The following CFAP69 variants were observed in gnomAD, a reference collection of about 807,000 sequenced individuals.
CFAP69 encodes the protein cilia- and flagella-associated protein 69.
In CFAP69, 92 loss-of-function variants were observed where a neutral mutation model predicts 123.0. That is an observed-to-expected ratio of 0.75 (90% CI 0.63 to 0.89). The LOEUF (loss-of-function observed/expected upper bound fraction) is 0.89. Among genes scored for constraint, CFAP69 ranks in the 40% least tolerant of loss-of-function variants. The pLI, the probability that CFAP69 is intolerant of heterozygous loss-of-function variation, is 0.00. For synonymous variants in CFAP69, 380 were observed against 364.3 expected (o/e 1.04, Z -0.49); for missense variants, 1,067 against 1,096.9 (o/e 0.97, Z 0.39).
chr7:90,250,354 T>A (rs977876185), intron 1 of CFAP69, among the ~76,000 whole-genome samples: 5 of 152,134 alleles, frequency 3.3e-5, no homozygotes, highest in Non-Finnish European at 7.4e-5. Context: ...TTTAACAAGT[T>A]AGGTCCCAGG....
chr7:90,304,635 TTAGATAGG>T, intron 18 of CFAP69, 101 bp from the exon 19 acceptor site: 1 of 1,445,726 alleles, frequency 6.9e-7, no homozygotes, highest in Non-Finnish European at 9.0e-7. Context: ...GCATTTGTTT[TTAGATAGG>T]TAGATAGATA....
chr7:90,279,040 T>C (rs1349239644), intron 11 of CFAP69, among the ~76,000 whole-genome samples: 1 of 152,182 alleles, frequency 6.6e-6, no homozygotes, highest in African/African-American at 2.4e-5. Context: ...AATTCTGTTG[T>C]CATAATAGCT....
intron 12 of CFAP69, among the ~76,000 whole-genome samples, chr7:90,280,223 G>A (rs190411351): frequency 1.3e-5 from 2 of 151,934 alleles, no homozygotes; most frequent in Non-Finnish European, 2.9e-5. Context: ...GTTGAGACAG[G>A]GTCTCACCCT....
chr7:90,314,868 C>CG (rs989903501), downstream of CFAP69, among the ~76,000 whole-genome samples: 1 of 151,590 alleles, frequency 6.6e-6, no homozygotes, highest in Admixed American at 6.6e-5. Flanking sequence ...TATCGCTCCC[C>CG]CCCCTGCTTT....
intron 12 of CFAP69, among the ~76,000 whole-genome samples, chr7:90,280,331 G>A (rs1789285860): frequency 6.6e-6 from 1 of 152,110 alleles, no homozygotes; most frequent in African/African-American, 2.4e-5. Flanking sequence ...CCCAGTAGCT[G>A]GGACTACAAG....
downstream of CFAP69, among the ~76,000 whole-genome samples, chr7:90,314,540 G>A (rs985261906): frequency 1.3e-5 from 2 of 151,264 alleles, no homozygotes; most frequent in African/African-American, 4.9e-5. Flanking sequence ...GAGATAGGAG[G>A]ATCAATTGAG....
rs190869592 is a variant in CFAP69, at chr7:90,264,301, G to A, written c.357-1000G>A. Among the ~76,000 whole-genome samples, 108 of 151,434 alleles carry A rather than the reference G, an allele frequency of 7.1e-4. 1 individual carries two copies. In the East Asian group the frequency reaches 0.017, roughly 24 times the overall value. ...AATTTAGACTGACCCAGGTTTATGT[G>A]CTGGATCTTTTATGATTTATAAATA... is the stretch of plus-strand genomic sequence containing the variant. On this transcript the variant is annotated intron_variant, in intron 4 of 22. Coordinates refer to ENST00000389297, the MANE Select transcript of CFAP69 (RefSeq NM_001039706.3).
rs766894796 is a variant in CFAP69, at chr7:90,245,387, G to A, written c.-38G>A. 2.7e-6 allele frequency: 4 copies of A among 1,504,474 alleles called. No individual in the cohort carries two copies. The highest frequency in any genetic ancestry group is 1.3e-5 in the South Asian group (1 of 77,908). The allele number at this position is 1,504,474 out of a possible 1,614,324, so 93.2% of individuals were successfully genotyped here. A position where few individuals can be genotyped will look rare whatever the true frequency, so the allele number is the denominator to read the frequency against. On this transcript the variant is annotated 5_prime_UTR_variant, in exon 1 of 23. Coordinates refer to ENST00000389297, the MANE Select transcript of CFAP69 (RefSeq NM_001039706.3). ...GCGGCTGCGGGCGCACTGTAGGACA[G>A]GAAGATCCCCCCACTCTCCACCCCG...
At chr7:90,254,583 G>A (rs1000767547) in intron 1 of CFAP69, among the ~76,000 whole-genome samples, 7 of 152,096 alleles carry the variant, frequency 4.6e-5, no homozygotes, top group African/African-American at 1.7e-4. Context: ...GAATTTTAAT[G>A]GATATAAACT....
intron 12 of CFAP69, among the ~76,000 whole-genome samples, chr7:90,280,264 C>T (rs1216979638): frequency 6.6e-6 from 1 of 152,226 alleles, no homozygotes; most frequent in Admixed American, 6.5e-5. Flanking sequence ...ATGGCATGCT[C>T]ATGGCTCACT....
rs932741607 is a variant in CFAP69, at chr7:90,256,602, G to A, written c.180+1120G>A. Among the ~76,000 whole-genome samples, 13 of 152,036 alleles carry A rather than the reference G, an allele frequency of 8.6e-5. No individual in the cohort carries two copies. In the East Asian group the frequency reaches 2.3e-3, roughly 27 times the overall value. ...AAAAGAAAACAATGTCCTATGAATA[G>A]GAGGCACAAAAATTTGGTCACTGTT... On this transcript the variant is annotated intron_variant, in intron 2 of 22. Transcript: ENST00000389297.
intron 3 of CFAP69, among the ~76,000 whole-genome samples, chr7:90,259,272 G>C (rs1798013944): frequency 6.6e-6 from 1 of 151,906 alleles, no homozygotes. Flanking sequence ...AGCCAGGTGT[G>C]GTGGTGTGTG....
intron 3 of CFAP69, among the ~76,000 whole-genome samples, chr7:90,259,780 C>T (rs1329040706): frequency 6.6e-6 from 1 of 151,910 alleles, no homozygotes; most frequent in Non-Finnish European, 1.5e-5. Flanking sequence ...GCCACCACAG[C>T]TGGCCATTTT....
intron 9 of CFAP69, 45 bp downstream of exon 9, chr7:90,274,155 G>A (rs1323078783): frequency 1.1e-5 from 18 of 1,575,810 alleles, no homozygotes; most frequent in Non-Finnish European, 1.4e-5. Flanking sequence ...TGGAAGTGGT[G>A]GGCTTGGGTG....
chr7:90,309,044 G>T (rs1245254614), intron 21 of CFAP69, among the ~76,000 whole-genome samples: 1 of 152,002 alleles, frequency 6.6e-6, no homozygotes, highest in Non-Finnish European at 1.5e-5. Context: ...AGAAATCTCT[G>T]GAAGACTTTT....
chr7:90,268,423 T>C (rs1257121562), intron 6 of CFAP69, 39 bp downstream of exon 6: 1 of 1,382,916 alleles, frequency 7.2e-7, no homozygotes, highest in Non-Finnish European at 1.0e-6. Context: ...AACTTGTGTA[T>C]GTAGAAAACA....
intron 15 of CFAP69, among the ~76,000 whole-genome samples, chr7:90,295,383 C>T (rs1562909162): frequency 6.6e-6 from 1 of 152,168 alleles, no homozygotes. Flanking sequence ...CCTAAGTTGA[C>T]CTCTAACCCA....
At chr7:90,254,281 G>A (rs530339571) in intron 1 of CFAP69, among the ~76,000 whole-genome samples, 1 of 152,212 alleles carries the variant, frequency 6.6e-6, no homozygotes, top group African/African-American at 2.4e-5. Flanking sequence ...GGTGCCTCCA[G>A]GTCTTTTCTT....
Position 90,310,237 on chromosome 7 carries a change from A to G in CFAP69, c.2825A>G (p.Ter942=). 1 of 1,611,964 alleles carries G rather than the reference A, an allele frequency of 6.2e-7. No homozygotes were observed. Among genetic ancestry groups the G allele is most frequent in the African/African-American group, 1.3e-5 (1 of 74,980 alleles). Residue 942 remains the stop codon, a stop_retained_variant, in exon 23 of 23, where the codon TAA becomes TGA. Transcript: ENST00000389297. ...VDAPKKSIPT[*] is the part of the protein sequence containing the mutation. ...GCACCAAAAAAGAGTATTCCTACGT[A>G]ATATACTATAGAGACTTTTTGAAAT... is the stretch of plus-strand genomic sequence containing the variant.
Sources: allele counts gnomAD v4.1 joint callset (sites outside exome capture counted in the v4.1 genomes callset), GRCh38; gene constraint gnomAD v4.1.1; transcripts MANE v1.5; gene names NCBI Gene and HGNC (gene_info 2026-07-23, HGNC 2026-07-21).